PALLD: variants seen among roughly 807,000 people sequenced by gnomAD.
PALLD encodes palladin, cytoskeletal associated protein, also known as palladin.
A neutral mutation model predicts 123.5 loss-of-function variants in PALLD; 61 were observed. The ratio of observed to expected loss-of-function variants is 0.49; its 90% CI spans 0.40 to 0.61. The LOEUF (loss-of-function observed/expected upper bound fraction) is 0.61. PALLD is among the 20% of genes least tolerant of loss of function. The probability of loss-of-function intolerance (pLI) is 0.00; values close to 1 mark genes in which losing one functional copy is unlikely to be tolerated. For synonymous variants in PALLD, 465 were observed against 496.4 expected (o/e 0.94, Z 0.84); for missense variants, 1,273 against 1,377.0 (o/e 0.92, Z 1.20).
intron 10 of PALLD, among the ~76,000 whole-genome samples, chr4:168,721,080 G>A (rs541255122): frequency 1.8e-4 from 27 of 152,228 alleles, no homozygotes; most frequent in African/African-American, 5.3e-4. Flanking sequence ...GGAAATACTT[G>A]CAGATACCCT....
chr4:168,883,901 T>G (rs1752968432), intron 10 of PALLD, among the ~76,000 whole-genome samples: 4 of 151,664 alleles, frequency 2.6e-5, no homozygotes, highest in African/African-American at 7.3e-5. Flanking sequence ...TTTTGGTAAC[T>G]ACTAACTTTG....
At chr4:168,721,214 A>T (rs1042330238) in intron 10 of PALLD, among the ~76,000 whole-genome samples, 1 of 152,166 alleles carries the variant, frequency 6.6e-6, no homozygotes, top group Non-Finnish European at 1.5e-5. Context: ...TCTTCATTTT[A>T]CCTAAGTGCG....
chr4:168,587,356 G>T (rs1203273391), intron 2 of PALLD, among the ~76,000 whole-genome samples: 1 of 152,140 alleles, frequency 6.6e-6, no homozygotes, highest in African/African-American at 2.4e-5. Flanking sequence ...TTCACGTTTT[G>T]CTTGGTTTGC....
chr4:168,878,188 G>T, intron 10 of PALLD: 1 of 1,220,024 alleles, frequency 8.2e-7, no homozygotes, highest in Non-Finnish European at 1.1e-6. Context: ...TCAGCCCCAC[G>T]GCTGCCTTCC....
At chr4:168,809,878 A>G (rs1464301535) in intron 10 of PALLD, among the ~76,000 whole-genome samples, 4 of 151,530 alleles carry the variant, frequency 2.6e-5, no homozygotes, top group Non-Finnish European at 5.9e-5. Context: ...AAAAAAAGAA[A>G]AAAAAATCAG....
chr4:168,821,749 G>C (rs138912281), intron 10 of PALLD, among the ~76,000 whole-genome samples: 1 of 151,762 alleles, frequency 6.6e-6, no homozygotes, highest in Admixed American at 6.6e-5. Flanking sequence ...GCATGGTGGC[G>C]CGTGCCTGTA....
chr4:168,761,654 T>TTTTTTG (rs1732913183), intron 10 of PALLD, among the ~76,000 whole-genome samples: 3 of 38,790 alleles, frequency 7.7e-5, no homozygotes, highest in Admixed American at 3.9e-4. Context: ...TGTTTTTTTT[T>TTTTTTG]TTTTTTTTTT....
At chr4:168,533,405 T>C (rs558515209) in intron 2 of PALLD, among the ~76,000 whole-genome samples, 1 of 152,110 alleles carries the variant, frequency 6.6e-6, no homozygotes, top group African/African-American at 2.4e-5. Context: ...AGGAATGTTT[T>C]GAAGATATTT....
At chr4:168,918,278 C>T (rs1270421507) in intron 17 of PALLD, among the ~76,000 whole-genome samples, 2 of 150,530 alleles carry the variant, frequency 1.3e-5, no homozygotes, top group African/African-American at 2.4e-5. Context: ...AGCCAGGATA[C>T]GGGATCAGCC....
intron 10 of PALLD, among the ~76,000 whole-genome samples, chr4:168,766,171 T>C (rs1158714905): frequency 6.6e-6 from 1 of 152,220 alleles, no homozygotes; most frequent in African/African-American, 2.4e-5. Context: ...ATACCAATAG[T>C]AACCACAATA....
intron 2 of PALLD, among the ~76,000 whole-genome samples, chr4:168,588,327 AAAG>A (rs1238589716): frequency 2.0e-5 from 3 of 152,224 alleles, no homozygotes; most frequent in East Asian, 3.9e-4. Context: ...GGAGCACCTT[AAAG>A]AAGATTTATT....
In PALLD at chr4:168,720,393, G is replaced by A. The variant is rs976508916; in HGVS notation, c.1964+8470G>A. Among the ~76,000 whole-genome samples the A allele has an allele frequency of 5.3e-5, 8 of 152,202 alleles. No individual in the cohort carries two copies. In the East Asian group the frequency reaches 7.7e-4, roughly 15 times the overall value. On this transcript the variant is annotated intron_variant, in intron 10 of 21. Coordinates refer to ENST00000505667, the MANE Select transcript of PALLD (RefSeq NM_001166108.2). The stretch of plus-strand genomic sequence containing the variant: ...TTAAGTGATTTTCATTATCCTCGAA[G>A]GCTAGTCAAATAACAAAGCAATTTA...
chr4:168,815,107 T>G (rs1741720511), intron 10 of PALLD, among the ~76,000 whole-genome samples: 1 of 152,210 alleles, frequency 6.6e-6, no homozygotes, highest in Admixed American at 6.5e-5. Context: ...GCCATTTTTC[T>G]TTTCAAGAAC....
At chr4:168,863,468 A>G (rs915963543) in intron 10 of PALLD, among the ~76,000 whole-genome samples, 5 of 152,168 alleles carry the variant, frequency 3.3e-5, no homozygotes, top group Non-Finnish European at 7.4e-5. Context: ...TCCCCCACCC[A>G]TATTCGCCAC....
intron 2 of PALLD, chr4:168,631,657 G>A: frequency 2.0e-6 from 2 of 985,500 alleles, no homozygotes; most frequent in Non-Finnish European, 2.4e-6. Flanking sequence ...CCGAGCCTGA[G>A]TCGTGGCCGC....
chr4:168,593,464 G>A (rs539385782), intron 2 of PALLD, among the ~76,000 whole-genome samples: 19 of 85,340 alleles, frequency 2.2e-4, no homozygotes, highest in African/African-American at 1.2e-3. Flanking sequence ...AGGAAGACGA[G>A]TCCAATCAAA....
intron 10 of PALLD, among the ~76,000 whole-genome samples, chr4:168,847,152 A>G (rs953800290): frequency 6.6e-6 from 1 of 152,202 alleles, no homozygotes; most frequent in Non-Finnish European, 1.5e-5. Flanking sequence ...AGGGCAATTT[A>G]TACCCATTAA....
At chr4:168,770,130 A>C (rs911961554) in intron 10 of PALLD, among the ~76,000 whole-genome samples, 40 of 152,332 alleles carry the variant, frequency 2.6e-4, no homozygotes, top group African/African-American at 8.9e-4. Flanking sequence ...CAGGAAAGGC[A>C]AACCAATTAT....
At chr4:168,782,919 T>TA (rs1461663512) in intron 10 of PALLD, among the ~76,000 whole-genome samples, 1 of 150,402 alleles carries the variant, frequency 6.6e-6, no homozygotes, top group Non-Finnish European at 1.5e-5. Flanking sequence ...TGCCTTAAAA[T>TA]AAAAAACAAC....
Sources: gnomAD v4.1 joint callset for allele counts (sites outside exome capture counted in the v4.1 genomes callset) on GRCh38, gnomAD v4.1.1 for gene constraint, MANE v1.5 for transcripts, NCBI Gene and HGNC (gene_info 2026-07-23, HGNC 2026-07-21) for gene names.